UBL3: variants seen among roughly 807,000 people sequenced by gnomAD.
UBL3 encodes ubiquitin like 3.
Under a neutral mutation model 18.4 loss-of-function variants are expected in UBL3, and 6 were observed. The observed-to-expected ratio is 0.33, with a 90% CI of 0.18 to 0.64. The LOEUF (loss-of-function observed/expected upper bound fraction) is 0.64. Among genes scored for constraint, UBL3 ranks in the 30% least tolerant of loss-of-function variants. The pLI, the probability that UBL3 is intolerant of heterozygous loss-of-function variation, is 0.76. For missense variants in UBL3, 109 were observed against 142.9 expected (o/e 0.76, Z 1.21); for synonymous variants, 49 against 46.6 (o/e 1.05, Z -0.21).
intron 2 of UBL3, among the ~76,000 whole-genome samples, chr13:29,773,134 G>C (rs1281005564): frequency 6.6e-6 from 1 of 152,142 alleles, no homozygotes; most frequent in Non-Finnish European, 1.5e-5. Context: ...CAAAAAAATA[G>C]TTTAAAGTAT....
At chr13:29,835,157 T>TATATATATATAA (rs1878923621) in intron 1 of UBL3, among the ~76,000 whole-genome samples, 1 of 54,334 alleles carries the variant, frequency 1.8e-5, no homozygotes, top group Non-Finnish European at 3.1e-5. Flanking sequence ...TATATATATA[T>TATATATATATAA]ATATATATAT....
chr13:29,842,144 T>TTTC (rs1191297927), intron 1 of UBL3, among the ~76,000 whole-genome samples: 1 of 27,184 alleles, frequency 3.7e-5, no homozygotes, highest in Non-Finnish European at 1.3e-4. Flanking sequence ...CTTTTTTTTT[T>TTTC]TTTTTTTTTT....
At chr13:29,775,665 G>A (rs1351020116) in intron 2 of UBL3, among the ~76,000 whole-genome samples, 3 of 152,110 alleles carry the variant, frequency 2.0e-5, no homozygotes, top group Non-Finnish European at 4.4e-5. Flanking sequence ...ACCCAGGCGG[G>A]AGTACAGACG....
At chr13:29,801,237 C>A (rs1333655576) in intron 1 of UBL3, among the ~76,000 whole-genome samples, 1 of 152,152 alleles carries the variant, frequency 6.6e-6, no homozygotes, top group Non-Finnish European at 1.5e-5. Context: ...AGACCCCACT[C>A]CCCACTCTTC....
chr13:29,799,572 CTG>C (rs1267496291), intron 1 of UBL3, among the ~76,000 whole-genome samples: 1 of 152,108 alleles, frequency 6.6e-6, no homozygotes, highest in Non-Finnish European at 1.5e-5. Flanking sequence ...AATTATGAGT[CTG>C]TAACAAAAAT....
At chr13:29,772,834 T>C (rs1020178201) in intron 2 of UBL3, among the ~76,000 whole-genome samples, 1 of 152,030 alleles carries the variant, frequency 6.6e-6, no homozygotes, top group Non-Finnish European at 1.5e-5. Flanking sequence ...ACATGAAAGC[T>C]AGAAAAGTGT....
At chr13:29,821,230 G>C (rs1484634981) in intron 1 of UBL3, among the ~76,000 whole-genome samples, 1 of 152,124 alleles carries the variant, frequency 6.6e-6, no homozygotes, top group Non-Finnish European at 1.5e-5. Flanking sequence ...TGAAATCTGA[G>C]CAGTGTTTCA....
In UBL3 at chr13:29,764,945, T is replaced by G. The variant is rs1393731412; in HGVS notation, c.*2310A>C. On this transcript the variant is annotated 3_prime_UTR_variant, in exon 5 of 5. Transcript: ENST00000380680. ...CGTATATACTATTAAGGCATCTAAATTTTTGGTGTTTTCAGTATATAATTT... is the reference window on the plus strand; with the variant it reads ...CGTATATACTATTAAGGCATCTAAAGTTTTGGTGTTTTCAGTATATAATTT... 2 of 152,192 alleles carry G rather than the reference T, an allele frequency of 1.3e-5. No individual in the cohort carries two copies. The highest frequency in any genetic ancestry group is 4.8e-5 in the African/African-American group (2 of 41,462). The allele number at this position is 152,192 out of a possible 1,614,324, so 9.4% of individuals were successfully genotyped here.
chr13:29,812,163 T>C (rs780708423), intron 1 of UBL3, among the ~76,000 whole-genome samples: 2 of 152,080 alleles, frequency 1.3e-5, no homozygotes, highest in Non-Finnish European at 2.9e-5. Context: ...TCTGAATGTA[T>C]TGACAGTCTT....
intron 1 of UBL3, among the ~76,000 whole-genome samples, chr13:29,788,770 G>A (rs1359442733): frequency 1.3e-5 from 2 of 152,090 alleles, no homozygotes; most frequent in Non-Finnish European, 2.9e-5. Context: ...TGTGAAATAA[G>A]TTTGGAAATG....
intron 1 of UBL3, among the ~76,000 whole-genome samples, chr13:29,799,622 G>A (rs940903452): frequency 3.3e-5 from 5 of 152,112 alleles, no homozygotes; most frequent in Non-Finnish European, 7.4e-5. Flanking sequence ...TCTTCAAAGC[G>A]GTACCTTTGG....
At chr13:29,825,639 C>T (rs1450099674) in intron 1 of UBL3, among the ~76,000 whole-genome samples, 3 of 152,146 alleles carry the variant, frequency 2.0e-5, no homozygotes, top group Non-Finnish European at 2.9e-5. Context: ...ACAATCATGT[C>T]ATCTGCAAAC....
intron 1 of UBL3, among the ~76,000 whole-genome samples, chr13:29,783,516 T>G (rs1877232128): frequency 6.6e-6 from 1 of 152,192 alleles, no homozygotes; most frequent in South Asian, 2.1e-4. Context: ...GAAGAAATCT[T>G]GAAAGCAATC....
chr13:29,806,235 G>C (rs1877897060), intron 1 of UBL3, among the ~76,000 whole-genome samples: 1 of 152,090 alleles, frequency 6.6e-6, no homozygotes, highest in Non-Finnish European at 1.5e-5. Context: ...TTCTATATTA[G>C]TAAAATTACA....
intron 1 of UBL3, among the ~76,000 whole-genome samples, chr13:29,797,153 T>C (rs1877634155): frequency 6.6e-6 from 1 of 152,228 alleles, no homozygotes; most frequent in Non-Finnish European, 1.5e-5. Flanking sequence ...TTTCTTATTC[T>C]TCATATTTTA....
At chr13:29,777,111 T>TA (rs35681461) in intron 2 of UBL3, 44 bp downstream of exon 2, 1,332,913 of 1,434,802 alleles carry the variant, frequency 0.93, 620,257 homozygotes, top group East Asian at 0.97. Context: ...AGGTAGGGCA[T>TA]AAGAATCAAC....
Position 29,838,637 on chromosome 13 carries a change from T to C in UBL3, c.27+10875A>G, listed in dbSNP as rs144616932. On this transcript the variant is annotated intron_variant, in intron 1 of 4. Transcript: ENST00000380680. ...TAATCTCTATGCTAACCAGTAAAGA[T>C]AGTAAAAGAATTTATAACAGAGAAG... Among the ~76,000 whole-genome samples the C allele has an allele frequency of 2.9e-3, 443 of 152,232 alleles. 8 individuals carry two copies. The East Asian group carries it at 0.06, about 20-fold the overall frequency.
intron 1 of UBL3, among the ~76,000 whole-genome samples, chr13:29,778,752 T>C (rs958056792): frequency 6.6e-6 from 1 of 152,188 alleles, no homozygotes; most frequent in Non-Finnish European, 1.5e-5. Flanking sequence ...ATTTGATAAT[T>C]TATTATTTGA....
chr13:29,833,124 G>A lies in UBL3; in HGVS notation c.27+16388C>T, dbSNP rs544263757. On this transcript the variant is annotated intron_variant, in intron 1 of 4. Transcript: ENST00000380680. ...AAGACAAGAGCATTAATGCTGTCAT[G>A]GTAAGAAGGTTGGCCTGGATTAGCA... Among the ~76,000 whole-genome samples the A allele has an allele frequency of 2.0e-5, 3 of 152,332 alleles. No individual in the cohort carries two copies. In the East Asian group the frequency reaches 5.8e-4, roughly 29 times the overall value.
Sources: gnomAD v4.1 joint callset for allele counts (sites outside exome capture counted in the v4.1 genomes callset) on GRCh38, gnomAD v4.1.1 for gene constraint, MANE v1.5 for transcripts, NCBI Gene and HGNC (gene_info 2026-07-23, HGNC 2026-07-21) for gene names.